CRIM1: variants seen among roughly 807,000 people sequenced by gnomAD.
CRIM1 encodes cysteine rich transmembrane BMP regulator 1, also known as cysteine-rich motor neuron 1 protein.
A neutral mutation model predicts 116.4 loss-of-function variants in CRIM1; 32 were observed. The observed-to-expected ratio is 0.27, with a 90% CI of 0.21 to 0.37. The LOEUF is 0.37. CRIM1 is among the 10% of genes least tolerant of loss of function. The pLI is 1.00. For synonymous variants in CRIM1, 590 were observed against 509.2 expected, an observed-to-expected ratio of 1.16 and a Z score of -2.13; for missense variants, 1,331 against 1,354.8, an observed-to-expected ratio of 0.98 and a Z score of 0.28.
At chr2:36,451,143 C>G (rs185112154) in intron 4 of CRIM1, among the ~76,000 whole-genome samples, 1 of 152,206 alleles carries the variant, frequency 6.6e-6, no homozygotes, top group Non-Finnish European at 1.5e-5. Context: ...TCGAGGACCT[C>G]ATGGAAGGCA....
chr2:36,428,142 C>A (rs1026905808), intron 2 of CRIM1, among the ~76,000 whole-genome samples: 3 of 152,204 alleles, frequency 2.0e-5, no homozygotes, highest in Non-Finnish European at 2.9e-5. Flanking sequence ...AGACTACAGA[C>A]TGAAAAATGA....
intron 7 of CRIM1, among the ~76,000 whole-genome samples, chr2:36,488,411 A>G (rs1286803332): frequency 6.6e-6 from 1 of 152,194 alleles, no homozygotes. Context: ...ACTCCCCTGC[A>G]TGAGCTCCCA....
At chr2:36,524,189 C>T (rs879581831) in intron 13 of CRIM1, among the ~76,000 whole-genome samples, 8 of 152,092 alleles carry the variant, frequency 5.3e-5, no homozygotes, top group Non-Finnish European at 8.8e-5. Context: ...ATGTGGTAGC[C>T]CTGCATTTTA....
At chr2:36,544,122 G>T (rs770253482) in intron 14 of CRIM1, among the ~76,000 whole-genome samples, 2 of 152,134 alleles carry the variant, frequency 1.3e-5, no homozygotes, top group Non-Finnish European at 2.9e-5. Flanking sequence ...ACCATTTGAC[G>T]TGAAAAAGCA....
intron 13 of CRIM1, among the ~76,000 whole-genome samples, chr2:36,533,511 A>T (rs1666262212): frequency 6.6e-6 from 1 of 151,976 alleles, no homozygotes; most frequent in African/African-American, 2.4e-5. Context: ...TTAAAGTAGG[A>T]GGATCACTTG....
At position 36,464,608 on chromosome 2, in the gene CRIM1, G is replaced by A. The variant is rs769888791; in HGVS notation, c.944G>A (p.Gly315Asp). Reference protein sequence around the residue: ...VGSTPRIVSRGDGTPGKCCDV... With the variant: ...VGSTPRIVSRDDGTPGKCCDV... ...TCCACTCCCCGCATAGTCTCTCGTG[G>A]CGATGGGACACCTGGAAAGTGCTGT... Residue 315 changes from glycine to aspartate, a missense_variant, in exon 5 of 17, where the codon GGC becomes GAC. By Grantham distance (94) the Gly-to-Asp change is moderately conservative. Coordinates refer to ENST00000280527, the MANE Select transcript of CRIM1 (RefSeq NM_016441.3). The A allele has an allele frequency of 1.9e-6, 3 of 1,614,016 alleles. No individual in the cohort carries two copies. In the African/African-American group the frequency reaches 4.0e-5, roughly 22 times the overall value.
At chr2:36,534,617 A>G (rs532963696) in intron 13 of CRIM1, among the ~76,000 whole-genome samples, 2 of 148,458 alleles carry the variant, frequency 1.3e-5, no homozygotes, top group East Asian at 4.1e-4. Context: ...GACAGGAAGG[A>G]AGGAAGGAAA....
intron 16 of CRIM1, 21 bp downstream of exon 16, chr2:36,547,192 G>A (rs377188959): frequency 6.3e-7 from 1 of 1,589,450 alleles, no homozygotes; most frequent in African/African-American, 1.4e-5. Flanking sequence ...GCAAAAGTTA[G>A]TCTCTTGAAT....
rs137935434 is a variant in CRIM1 at position 36,507,857 on chromosome 2, C to T, written c.1502-2126C>T. 2.8e-3 allele frequency among the ~76,000 whole-genome samples: 420 copies of T among 152,318 alleles called. 4 individuals are homozygous for T. Among genetic ancestry groups the T allele is most frequent in the Admixed American group, 7.8e-3 (119 of 15,306 alleles). On this transcript the variant is annotated intron_variant, in intron 8 of 16. Coordinates refer to ENST00000280527, the MANE Select transcript of CRIM1 (RefSeq NM_016441.3). ...TTGCAGGACCAGAAAAATAAAGGCA[C>T]CAAGGTGCTCAGGCTCCAAAATTGC...
At chr2:36,448,871 C>G (rs1270655449) in intron 4 of CRIM1, among the ~76,000 whole-genome samples, 1 of 152,090 alleles carries the variant, frequency 6.6e-6, no homozygotes, top group Non-Finnish European at 1.5e-5. Context: ...TTCAGAAAGC[C>G]AGATTCCCAA....
intron 1 of CRIM1, among the ~76,000 whole-genome samples, chr2:36,365,962 G>A (rs1669571792): frequency 1.3e-5 from 2 of 152,188 alleles, no homozygotes; most frequent in South Asian, 2.1e-4. Flanking sequence ...TCTCGACCTC[G>A]TGATCTGCCC....
intron 13 of CRIM1, among the ~76,000 whole-genome samples, chr2:36,529,883 TAAAAC>T (rs1455538435): frequency 6.6e-6 from 1 of 151,858 alleles, no homozygotes; most frequent in African/African-American, 2.4e-5. Context: ...TGAAATAAAA[TAAAAC>T]AAAAATGGAA....
chr2:36,497,992 T>A (rs1385468631), intron 7 of CRIM1, among the ~76,000 whole-genome samples: 1 of 152,216 alleles, frequency 6.6e-6, no homozygotes, highest in Non-Finnish European at 1.5e-5. Flanking sequence ...ACTGGGTTAC[T>A]ATGTAAACTT....
intron 5 of CRIM1, 61 bp from the exon 6 acceptor site, chr2:36,476,828 A>C: frequency 2.1e-6 from 3 of 1,416,706 alleles, no homozygotes; most frequent in Non-Finnish European, 2.9e-6. Flanking sequence ...TTTGAAAAAC[A>C]TCAAAGGACA....
At position 36,445,630 on chromosome 2, in the gene CRIM1, T is replaced by C. The variant is rs369915380; in HGVS notation, c.869+2895T>C. ...TTCCTCTGTATGCATTAGTGCTGAATGAGTCGGTAAATGCAGAATATACTC... is the reference window on the plus strand; with the variant it reads ...TTCCTCTGTATGCATTAGTGCTGAACGAGTCGGTAAATGCAGAATATACTC... On this transcript the variant is annotated intron_variant, in intron 4 of 16. Transcript: ENST00000280527. Among the ~76,000 whole-genome samples the C allele has an allele frequency of 5.9e-5, 9 of 152,334 alleles. No individual in the cohort carries two copies. In the East Asian group the frequency reaches 1.3e-3, roughly 23 times the overall value.
At chr2:36,418,796 G>C (rs1673824881) in intron 2 of CRIM1, among the ~76,000 whole-genome samples, 1 of 152,094 alleles carries the variant, frequency 6.6e-6, no homozygotes, top group South Asian at 2.1e-4. Flanking sequence ...GTTTCCACTG[G>C]GTCTCTGTCC....
At chr2:36,540,147 G>C (rs1666849234) in intron 14 of CRIM1, among the ~76,000 whole-genome samples, 1 of 152,142 alleles carries the variant, frequency 6.6e-6, no homozygotes, top group Non-Finnish European at 1.5e-5. Context: ...GTAGGAAAGA[G>C]TAAACTGCTC....
chr2:36,390,028 TC>T (rs1558529144), intron 1 of CRIM1, among the ~76,000 whole-genome samples: 2 of 152,156 alleles, frequency 1.3e-5, no homozygotes, highest in Admixed American at 6.5e-5. Context: ...GATGGAAACT[TC>T]TCTCCAACTA....
chr2:36,380,641 C>T (rs1488191853), intron 1 of CRIM1, among the ~76,000 whole-genome samples: 1 of 152,100 alleles, frequency 6.6e-6, no homozygotes. Context: ...CAAAGAAATC[C>T]AGTATTGCAA....
Sources: gnomAD v4.1 joint callset for allele counts (sites outside exome capture counted in the v4.1 genomes callset) on GRCh38, gnomAD v4.1.1 for gene constraint, MANE v1.5 for transcripts, NCBI Gene and HGNC (gene_info 2026-07-23, HGNC 2026-07-21) for gene names.